Variants in GRIK2 observed in about 807,000 individuals in gnomAD.
GRIK2 encodes the protein glutamate ionotropic receptor kainate type subunit 2, also known as glutamate receptor ionotropic, kainate 2.
GRIK2 carries 32 observed loss-of-function variants against 100.3 expected under a neutral mutation model. That is an observed-to-expected ratio of 0.32 (90% CI 0.24 to 0.43). The LOEUF (loss-of-function observed/expected upper bound fraction) is 0.43, where lower values mean the gene tolerates loss of function less well. GRIK2 is among the 20% of genes least tolerant of loss of function. The pLI is 1.00. For missense variants in GRIK2, 843 were observed against 1,114.9 expected (o/e 0.76, Z 3.47); for synonymous variants, 417 against 389.4 (o/e 1.07, Z -0.83).
At chr6:101,572,653 A>G (rs1304756285) in intron 2 of GRIK2, among the ~76,000 whole-genome samples, 1 of 151,370 alleles carries the variant, frequency 6.6e-6, no homozygotes, top group African/African-American at 2.4e-5. Flanking sequence ...GAGACTTTCT[A>G]TGCTGTAGTT....
At chr6:101,708,008 C>T (rs1211228308) in intron 7 of GRIK2, among the ~76,000 whole-genome samples, 1 of 151,672 alleles carries the variant, frequency 6.6e-6, no homozygotes, top group Non-Finnish European at 1.5e-5. Context: ...TTCATTCACT[C>T]CTTAAGCAAA....
At chr6:101,918,508 G>A (rs187022878) in intron 12 of GRIK2, among the ~76,000 whole-genome samples, 15 of 151,536 alleles carry the variant, frequency 9.9e-5, no homozygotes, top group African/African-American at 3.1e-4. Context: ...TGCTCTAAAG[G>A]TCTAGAGTAA....
intron 7 of GRIK2, among the ~76,000 whole-genome samples, chr6:101,769,192 T>A (rs1778244577): frequency 6.6e-6 from 1 of 152,178 alleles, no homozygotes; most frequent in African/African-American, 2.4e-5. Context: ...CTTTGTACTG[T>A]TTTCCTTGGA....
chr6:101,407,037 T>A (rs1193019861), intron 2 of GRIK2, among the ~76,000 whole-genome samples: 1 of 152,164 alleles, frequency 6.6e-6, no homozygotes, highest in Non-Finnish European at 1.5e-5. Context: ...GAGAATATTG[T>A]GCTAACATGA....
intron 14 of GRIK2, among the ~76,000 whole-genome samples, chr6:101,983,868 T>G (rs1793863484): frequency 6.6e-6 from 1 of 151,742 alleles, no homozygotes; most frequent in African/African-American, 2.4e-5. Flanking sequence ...CATACACTGG[T>G]CTTTACTTTT....
At chr6:101,431,596 A>ATG (rs1482816511) in intron 2 of GRIK2, 1 of 152,192 alleles carries the variant, frequency 6.6e-6, no homozygotes, top group African/African-American at 2.4e-5. Flanking sequence ...GTGTTACCTG[A>ATG]TGTGTGTGTG....
At chr6:101,921,096 C>T (rs188287329) in intron 12 of GRIK2, among the ~76,000 whole-genome samples, 26 of 151,894 alleles carry the variant, frequency 1.7e-4, no homozygotes, top group African/African-American at 4.3e-4. Context: ...AGAAGTTTAC[C>T]GACATAATTT....
intron 7 of GRIK2, among the ~76,000 whole-genome samples, chr6:101,726,184 C>G (rs373801357): frequency 6.6e-6 from 1 of 151,868 alleles, no homozygotes; most frequent in South Asian, 2.1e-4. Context: ...TGTTGGATAA[C>G]GCTTTATGCA....
At chr6:101,748,324 G>T (rs910009311) in intron 7 of GRIK2, among the ~76,000 whole-genome samples, 19 of 151,990 alleles carry the variant, frequency 1.3e-4, no homozygotes, top group African/African-American at 4.6e-4. Flanking sequence ...GCACAAAACA[G>T]ATAATTAAAT....
chr6:101,606,057 C>T (rs976544238), intron 2 of GRIK2, among the ~76,000 whole-genome samples: 2 of 151,900 alleles, frequency 1.3e-5, no homozygotes, highest in African/African-American at 4.8e-5. Context: ...TAAGTCACCA[C>T]CAGTGGAAAT....
chr6:101,422,196 C>T (rs1034167978), intron 2 of GRIK2, among the ~76,000 whole-genome samples: 1 of 152,060 alleles, frequency 6.6e-6, no homozygotes, highest in African/African-American at 2.4e-5. Context: ...TTCACATAAT[C>T]GGCACAGGTT....
intron 12 of GRIK2, among the ~76,000 whole-genome samples, chr6:101,919,934 A>G (rs1215210183): frequency 2.0e-5 from 3 of 151,862 alleles, no homozygotes; most frequent in Admixed American, 2.0e-4. Flanking sequence ...AGAATTTGAA[A>G]AAGAAAGAGA....
At chr6:101,941,984 G>T (rs1310822162) in intron 14 of GRIK2, among the ~76,000 whole-genome samples, 1 of 151,758 alleles carries the variant, frequency 6.6e-6, no homozygotes. Context: ...AGAACTAGTG[G>T]CATAGGTTTT....
intron 7 of GRIK2, among the ~76,000 whole-genome samples, chr6:101,748,143 A>T (rs536740580): frequency 6.6e-6 from 1 of 152,206 alleles, no homozygotes; most frequent in Non-Finnish European, 1.5e-5. Context: ...TTAAAAATGG[A>T]AAGTACATAT....
At chr6:101,620,003 G>A (rs1780073398) in intron 2 of GRIK2, 1 of 152,108 alleles carries the variant, frequency 6.6e-6, no homozygotes, top group Admixed American at 6.6e-5. Context: ...TGCTTACTCT[G>A]TGACAGCCAC....
intron 7 of GRIK2, among the ~76,000 whole-genome samples, chr6:101,753,416 GT>G (rs1258923068): frequency 6.6e-6 from 1 of 151,368 alleles, no homozygotes; most frequent in Non-Finnish European, 1.5e-5. Flanking sequence ...AAATCATTTT[GT>G]TCTTTCTTAA....
At chr6:101,501,090 C>G (rs902377978) in intron 2 of GRIK2, among the ~76,000 whole-genome samples, 1 of 151,986 alleles carries the variant, frequency 6.6e-6, no homozygotes, top group Non-Finnish European at 1.5e-5. Context: ...TTTTTCTCAG[C>G]TTGAGAACCA....
At chr6:102,017,657 C>G (rs62423081) in intron 14 of GRIK2, among the ~76,000 whole-genome samples, 41,277 of 151,856 alleles carry the variant, frequency 0.27, 5,999 homozygotes, top group East Asian at 0.34. Flanking sequence ...TATTCTTATT[C>G]TGTGTATATT....
At chr6:101,401,182 G>A (rs1369492132) in intron 2 of GRIK2, among the ~76,000 whole-genome samples, 1 of 152,066 alleles carries the variant, frequency 6.6e-6, no homozygotes, top group Non-Finnish European at 1.5e-5. Flanking sequence ...CCGACTAGAT[G>A]GAAAAAAGAA....
Sources: gnomAD v4.1 joint callset for allele counts (sites outside exome capture counted in the v4.1 genomes callset) on GRCh38, gnomAD v4.1.1 for gene constraint, MANE v1.5 for transcripts, NCBI Gene and HGNC (gene_info 2026-07-23, HGNC 2026-07-21) for gene names.